The following SGMS2 variants were observed in gnomAD, a reference collection of about 807,000 sequenced individuals.
The protein encoded by SGMS2 is sphingomyelin synthase 2.
Under a neutral mutation model 43.8 loss-of-function variants are expected in SGMS2, and 21 were observed. The observed-to-expected ratio is 0.48, with a 90% CI of 0.34 to 0.69. The LOEUF (loss-of-function observed/expected upper bound fraction) is 0.69. SGMS2 is among the 30% of genes least tolerant of loss of function. The pLI is 0.01. For missense variants in SGMS2, 384 were observed against 443.2 expected, an observed-to-expected ratio of 0.87 and a Z score of 1.20; for synonymous variants, 167 against 160.6, an observed-to-expected ratio of 1.04 and a Z score of -0.30.
At chr4:107,902,615 G>C (rs1011882784) in intron 4 of SGMS2, among the ~76,000 whole-genome samples, 1 of 152,138 alleles carries the variant, frequency 6.6e-6, no homozygotes, top group African/African-American at 2.4e-5. Flanking sequence ...TCCTGCCGTA[G>C]CACACAGGCT....
chr4:107,864,113 G>GCCC (rs1363344050), intron 2 of SGMS2: 1 of 152,254 alleles, frequency 6.6e-6, no homozygotes, highest in East Asian at 1.9e-4. Flanking sequence ...AGATGTGTAG[G>GCCC]AGCATAGGTA....
chr4:107,873,715 C>A (rs555314039), intron 2 of SGMS2, among the ~76,000 whole-genome samples: 67 of 152,204 alleles, frequency 4.4e-4, no homozygotes, highest in African/African-American at 1.5e-3. Context: ...ACTGTTGCCA[C>A]AGTCGAAATA....
rs75147483 is a variant in SGMS2 at position 107,831,907 on chromosome 4, G to A, written c.-327+6654G>A. 4.2e-4 allele frequency among the ~76,000 whole-genome samples: 64 copies of A among 152,258 alleles called. No homozygotes were observed. In the East Asian group the frequency reaches 0.01, roughly 24 times the overall value. On this transcript the variant is annotated intron_variant, in intron 1 of 6. Coordinates refer to ENST00000690982, the MANE Select transcript of SGMS2 (RefSeq NM_001375905.1). ...TGCCCTCTTAGCAGATGCTGGTAGC[G>A]GTAGTCTAGCACAACTGGTACTGTC...
chr4:107,876,054 A>C (rs1728892828), intron 2 of SGMS2, among the ~76,000 whole-genome samples: 1 of 152,068 alleles, frequency 6.6e-6, no homozygotes, highest in African/African-American at 2.4e-5. Context: ...CTCCTTAATA[A>C]TTTTTCAGTG....
In SGMS2 at chr4:107,914,536, T is replaced by G. The variant is rs1238409475; in HGVS notation, c.*3983T>G. The G allele has an allele frequency of 6.6e-6, 1 of 152,160 alleles. No homozygotes were observed. Among genetic ancestry groups the G allele is most frequent in the African/African-American group, 2.4e-5 (1 of 41,464 alleles). 9.4% of individuals were successfully genotyped at this position (152,160 alleles called of 1,614,324 possible). A position where few individuals can be genotyped will look rare whatever the true frequency, so the allele number is the denominator to read the frequency against. On this transcript the variant is annotated 3_prime_UTR_variant, in exon 7 of 7. Coordinates refer to ENST00000690982, the MANE Select transcript of SGMS2 (RefSeq NM_001375905.1). ...CAATTGCATTCTTTTGGAAATTTAC[T>G]GTACTGTTTCAATGTGTTAAGTGCC...
intron 1 of SGMS2, among the ~76,000 whole-genome samples, chr4:107,850,621 G>A (rs1289815568): frequency 1.3e-5 from 2 of 152,144 alleles, no homozygotes. Flanking sequence ...AATGACATTA[G>A]TAACATTTAC....
At chr4:107,858,959 C>T (rs56394215) in intron 2 of SGMS2, among the ~76,000 whole-genome samples, 17,042 of 152,224 alleles carry the variant, frequency 0.11, 1,346 homozygotes, top group African/African-American at 0.21. Flanking sequence ...ATGCACCTTT[C>T]AGCAACAGTA....
intron 1 of SGMS2, among the ~76,000 whole-genome samples, chr4:107,853,461 C>G (rs1472501429): frequency 4.6e-5 from 7 of 152,176 alleles, no homozygotes; most frequent in Non-Finnish European, 8.8e-5. Context: ...CTCCCTCCCC[C>G]TCAGTCACAT....
rs565028161 is a variant in SGMS2, at chr4:107,895,616, G to A, written c.63G>A (p.Thr21=). The change falls in exon 3 of 7, where the codon ACG becomes ACA. Residue 21 remains threonine, a synonymous_variant. Transcript: ENST00000690982. The part of the protein sequence containing the change: ...EHLENQPSDP[T]NTYARPAEPV... ...TGGAAAATCAACCCAGTGATCCTAC[G>A]AACACTTATGCAAGACCCGCTGAAC... 2.2e-5 allele frequency: 36 copies of A among 1,613,934 alleles called. No individual in the cohort carries two copies. Among genetic ancestry groups the A allele is most frequent in the Admixed American group, 5.0e-5 (3 of 59,986 alleles).
chr4:107,842,417 T>C (rs1322910858), intron 1 of SGMS2, among the ~76,000 whole-genome samples: 2 of 152,108 alleles, frequency 1.3e-5, no homozygotes, highest in South Asian at 2.1e-4. Context: ...CCAGATCTCA[T>C]GTGAACTCAA....
chr4:107,856,715 T>G (rs199909320), intron 1 of SGMS2, among the ~76,000 whole-genome samples: 1 of 152,302 alleles, frequency 6.6e-6, no homozygotes, highest in East Asian at 1.9e-4. Context: ...GTGTACAGTA[T>G]CTGAAGTGTA....
chr4:107,852,746 A>AT (rs56359938), intron 1 of SGMS2, among the ~76,000 whole-genome samples: 52,650 of 146,590 alleles, frequency 0.36, 10,376 homozygotes, highest in Non-Finnish European at 0.47. Flanking sequence ...CTTGTTTCTC[A>AT]TTTTTTTTTT....
chr4:107,891,470 C>G (rs1730211994), intron 2 of SGMS2, among the ~76,000 whole-genome samples: 1 of 150,922 alleles, frequency 6.6e-6, no homozygotes, highest in Admixed American at 6.6e-5. Context: ...AGGCTGAAGA[C>G]TGCTTTCTAT....
rs959932629 is a variant in SGMS2 at position 107,914,382 on chromosome 4, C to T, written c.*3829C>T. 2 of 152,094 alleles carry T rather than the reference C, an allele frequency of 1.3e-5. No homozygotes were observed. Among genetic ancestry groups the T allele is most frequent in the Non-Finnish European group, 2.9e-5 (2 of 67,962 alleles). The allele number at this position is 152,094 out of a possible 1,614,324, so 9.4% of individuals were successfully genotyped here. ...AAAAAGAGGAAACGATGAACAAAAA[C>T]TAATCTAATTGCCAAGTTAGAATTC... On this transcript the variant is annotated 3_prime_UTR_variant, in exon 7 of 7. Transcript: ENST00000690982.
chr4:107,861,491 G>A (rs1157128875), intron 2 of SGMS2, among the ~76,000 whole-genome samples: 1 of 152,068 alleles, frequency 6.6e-6, no homozygotes, highest in Non-Finnish European at 1.5e-5. Flanking sequence ...TGAGAGATGT[G>A]GTTAAGGACT....
rs181037981 is a variant in SGMS2 at position 107,827,592 on chromosome 4, T to C, written c.-327+2339T>C. On this transcript the variant is annotated intron_variant, in intron 1 of 6. Transcript: ENST00000690982. ...ATGCCTTGCTTTACACAGTAAAATA[T>C]TACGGACAAGTGATAGCTCTTCAGT... Among the ~76,000 whole-genome samples, 18 of 152,316 alleles carry C rather than the reference T, an allele frequency of 1.2e-4. No individual in the cohort carries two copies. In the East Asian group the frequency reaches 3.5e-3, roughly 29 times the overall value.
chr4:107,886,817 C>T (rs762040320), intron 2 of SGMS2: 1 of 152,174 alleles, frequency 6.6e-6, no homozygotes, highest in Non-Finnish European at 1.5e-5. Flanking sequence ...CCAGTTTCTC[C>T]AGTTGTGTCC....
At chr4:107,855,687 G>A (rs1651204356) in intron 1 of SGMS2, among the ~76,000 whole-genome samples, 1 of 152,094 alleles carries the variant, frequency 6.6e-6, no homozygotes, top group African/African-American at 2.4e-5. Flanking sequence ...TTGTGTAAAT[G>A]TCTGTTAGTA....
intron 3 of SGMS2, among the ~76,000 whole-genome samples, chr4:107,896,784 T>C (rs1021267016): frequency 1.3e-5 from 2 of 152,182 alleles, no homozygotes; most frequent in African/African-American, 2.4e-5. Context: ...CTGAAGTGGT[T>C]ATTTCTGCTT....
Sources: allele counts gnomAD v4.1 joint callset (sites outside exome capture counted in the v4.1 genomes callset), GRCh38; gene constraint gnomAD v4.1.1; transcripts MANE v1.5; gene names NCBI Gene and HGNC (gene_info 2026-07-23, HGNC 2026-07-21).